The following PPFIBP1 variants were observed in gnomAD, a reference collection of about 807,000 sequenced individuals.
PPFIBP1 encodes PPFIB scaffold protein 1.
PPFIBP1 carries 112 observed loss-of-function variants against 137.8 expected under a neutral mutation model. The ratio of observed to expected loss-of-function variants is 0.81; its 90% CI spans 0.70 to 0.95. PPFIBP1 has a LOEUF of 0.95. Ranked by LOEUF, PPFIBP1 falls within the 40% of genes least tolerant of loss-of-function variation. PPFIBP1 has a pLI of 0.00. For missense variants in PPFIBP1, 1,083 were observed against 1,196.6 expected, an observed-to-expected ratio of 0.91 and a Z score of 1.40; for synonymous variants, 378 against 417.3, an observed-to-expected ratio of 0.91 and a Z score of 1.15.
intron 1 of PPFIBP1, among the ~76,000 whole-genome samples, chr12:27,528,361 A>G (rs1944014988): frequency 6.6e-6 from 1 of 152,104 alleles, no homozygotes; most frequent in South Asian, 2.1e-4. Context: ...CTGTCCAAAA[A>G]CTGCTCTGGG....
intron 1 of PPFIBP1, among the ~76,000 whole-genome samples, chr12:27,562,698 T>C (rs1313455724): frequency 6.6e-6 from 1 of 152,236 alleles, no homozygotes; most frequent in Non-Finnish European, 1.5e-5. Context: ...ATGAGCTTTT[T>C]AGACTGCTAA....
intron 1 of PPFIBP1, among the ~76,000 whole-genome samples, chr12:27,566,303 TG>T (rs2049663647): frequency 6.6e-6 from 1 of 151,500 alleles, no homozygotes; most frequent in Admixed American, 6.6e-5. Context: ...GAAAAAACTA[TG>T]TCTCTCACTT....
chr12:27,686,865 A>G (rs565451343), intron 24 of PPFIBP1, among the ~76,000 whole-genome samples: 2 of 150,224 alleles, frequency 1.3e-5, no homozygotes, highest in South Asian at 4.2e-4. Flanking sequence ...GTGAGATCCT[A>G]TCTCTCCAAA....
intron 1 of PPFIBP1, among the ~76,000 whole-genome samples, chr12:27,563,869 C>CTTTTTTT (rs570467910): frequency 1.4e-5 from 2 of 142,966 alleles, no homozygotes; most frequent in Non-Finnish European, 1.5e-5. Context: ...AAACACTTCC[C>CTTTTTTT]TTTTTTTTTT....
intron 2 of PPFIBP1, chr12:27,592,444 G>A: frequency 1.2e-6 from 1 of 861,208 alleles, no homozygotes; most frequent in Non-Finnish European, 1.8e-6. Context: ...TTTCCAAAAA[G>A]TTGAAAAATC....
chr12:27,642,233 C>G (rs1008250469), intron 4 of PPFIBP1, among the ~76,000 whole-genome samples: 1 of 152,188 alleles, frequency 6.6e-6, no homozygotes, highest in Non-Finnish European at 1.5e-5. Flanking sequence ...TTATATCTCC[C>G]CCACTGACTC....
At chr12:27,545,680 A>C (rs1180137255) in intron 1 of PPFIBP1, among the ~76,000 whole-genome samples, 1 of 152,228 alleles carries the variant, frequency 6.6e-6, no homozygotes, top group African/African-American at 2.4e-5. Context: ...CAGTCCAGAC[A>C]TTTTTGCACT....
At chr12:27,620,107 A>G (rs2056190220) in intron 2 of PPFIBP1, among the ~76,000 whole-genome samples, 1 of 152,110 alleles carries the variant, frequency 6.6e-6, no homozygotes, top group Admixed American at 6.6e-5. Context: ...GAATTGTTGC[A>G]GTTGTTTTCT....
chr12:27,581,118 C>A (rs940790529), intron 2 of PPFIBP1, among the ~76,000 whole-genome samples: 2 of 152,100 alleles, frequency 1.3e-5, no homozygotes, highest in African/African-American at 4.8e-5. Context: ...TGGTCTTGAA[C>A]TTCTGGCTTC....
chr12:27,545,765 C>G (rs910795833), intron 1 of PPFIBP1, among the ~76,000 whole-genome samples: 2 of 152,178 alleles, frequency 1.3e-5, no homozygotes, highest in African/African-American at 4.8e-5. Context: ...AACCCGTGGA[C>G]TAGGGACAGA....
intron 2 of PPFIBP1, among the ~76,000 whole-genome samples, chr12:27,629,652 A>G (rs191727496): frequency 1.3e-5 from 2 of 152,320 alleles, no homozygotes; most frequent in African/African-American, 4.8e-5. Context: ...CCTCTCAGAA[A>G]TATTTATGAG....
chr12:27,531,291 G>T (rs1361867142), intron 1 of PPFIBP1, among the ~76,000 whole-genome samples: 4 of 151,900 alleles, frequency 2.6e-5, no homozygotes, highest in African/African-American at 4.8e-5. Context: ...GAAATAATTA[G>T]AAATTATTAT....
In PPFIBP1 at chr12:27,663,996, TAGAG is replaced by T. The variant is rs1476257000; in HGVS notation, c.907-363_907-360del. ...GGGGTCTTTCTTTTAAGGTTTGACTTAGAGAGGAGAGTTATTGAAGCTGACTTTT... is the reference window on the plus strand; with the variant it reads ...GGGGTCTTTCTTTTAAGGTTTGACTTAGGAGAGTTATTGAAGCTGACTTTT... On this transcript the variant is annotated intron_variant, in intron 11 of 29. Transcript: ENST00000228425. 1.2e-4 allele frequency among the ~76,000 whole-genome samples: 18 copies of T among 152,136 alleles called. No individual in the cohort carries two copies. The East Asian group carries it at 3.5e-3, about 29-fold the overall frequency.
At chr12:27,627,303 T>TA (rs2056899299) in intron 2 of PPFIBP1, among the ~76,000 whole-genome samples, 1 of 151,968 alleles carries the variant, frequency 6.6e-6, no homozygotes, top group African/African-American at 2.4e-5. Context: ...AGAAAAAAAA[T>TA]AAAAAAACTA....
rs1242329162 is a variant in PPFIBP1 at position 27,664,440 on chromosome 12, A to G, written c.985A>G (p.Lys329Glu). The G allele has an allele frequency of 6.2e-7, 1 of 1,606,250 alleles. No homozygotes were observed. Among genetic ancestry groups the G allele is most frequent in the South Asian group, 1.1e-5 (1 of 90,568 alleles). ...AGACACGGTGGTACTGGCCCAAGGT[A>G]AAAAAGGTAGAGTGTAGCTCTAAAA... ...MQDTVVLAQG[K>E]KGKDGEYEEL... is the part of the protein sequence containing the mutation. The change falls in exon 12 of 30, where the codon AAA becomes GAA. Residue 329 changes from lysine to glutamate, a missense_variant. Physicochemically the swap from Lys to Glu is moderately conservative, Grantham distance 56 (BLOSUM62 1). Coordinates refer to ENST00000228425, the MANE Select transcript of PPFIBP1 (RefSeq NM_003622.4).
chr12:27,593,129 CAAAAA>C (rs33939858), intron 2 of PPFIBP1, among the ~76,000 whole-genome samples: 14 of 100,940 alleles, frequency 1.4e-4, no homozygotes, highest in African/African-American at 2.8e-4. Flanking sequence ...AAGAATGTCT[CAAAAA>C]AAAAAAAAAA....
intron 11 of PPFIBP1, among the ~76,000 whole-genome samples, chr12:27,661,473 T>C (rs1323981993): frequency 4.8e-4 from 1 of 2,102 alleles, no homozygotes; most frequent in Non-Finnish European, 1.8e-3. Flanking sequence ...TTTCCACAGG[T>C]TTCCTCCCCC....
At chr12:27,575,165 C>G (rs916188993) in intron 1 of PPFIBP1, among the ~76,000 whole-genome samples, 2 of 152,166 alleles carry the variant, frequency 1.3e-5, no homozygotes, top group African/African-American at 4.8e-5. Context: ...GTCTCTGTTG[C>G]TACTACTCAA....
chr12:27,658,910 C>T, intron 10 of PPFIBP1, 62 bp downstream of exon 10: 1 of 1,480,456 alleles, frequency 6.8e-7, no homozygotes, highest in Non-Finnish European at 9.3e-7. Context: ...TTGGACTGTT[C>T]TTTGCATGTG....
Sources: gnomAD v4.1 joint callset for allele counts (sites outside exome capture counted in the v4.1 genomes callset) on GRCh38, gnomAD v4.1.1 for gene constraint, MANE v1.5 for transcripts, NCBI Gene and HGNC (gene_info 2026-07-23, HGNC 2026-07-21) for gene names.